CCDC51: variants seen among roughly 807,000 people sequenced by gnomAD.
The protein encoded by CCDC51 is mitochondrial potassium channel.
Under a neutral mutation model 24.8 loss-of-function variants are expected in CCDC51, and 25 were observed. That is an observed-to-expected ratio of 1.01 (90% CI 0.73 to 1.41). The LOEUF is 1.41. Among genes scored for constraint, CCDC51 ranks in the 40% most tolerant of loss-of-function variants. CCDC51 has a pLI of 0.00. For synonymous variants in CCDC51, 190 were observed against 204.3 expected (o/e 0.93, Z 0.60); for missense variants, 466 against 519.1 (o/e 0.90, Z 0.99).
chr3:48,439,145 T>A (rs1458936285), intron 1 of CCDC51, among the ~76,000 whole-genome samples: 1 of 152,228 alleles, frequency 6.6e-6, no homozygotes, highest in Non-Finnish European at 1.5e-5. Context: ...CCACTTTCTC[T>A]GCTTTATTTT....
At chr3:48,443,729 T>C, upstream of CCDC51, 1 of 643,764 alleles carries the variant, frequency 1.6e-6, no homozygotes, top group Non-Finnish European at 2.5e-6. Context: ...TATCCATGCT[T>C]GTGTTAAAGT....
chr3:48,432,309 T>G lies in CCDC51; in HGVS notation c.*99A>C. On this transcript the variant is annotated 3_prime_UTR_variant, in exon 4 of 4. Transcript: ENST00000395694. ...CAGATACTGCTCCTTCAGATTGAGGTTGTACATGCCCCCAAAGGCTCGCTT... is the reference window on the plus strand; with the variant it reads ...CAGATACTGCTCCTTCAGATTGAGGGTGTACATGCCCCCAAAGGCTCGCTT... 7.0e-7 allele frequency: 1 copy of G among 1,418,674 alleles called. No individual in the cohort carries two copies. Among genetic ancestry groups the G allele is most frequent in the Non-Finnish European group, 9.7e-7 (1 of 1,033,516 alleles). 87.9% of individuals were successfully genotyped at this position (1,418,674 alleles called of 1,614,324 possible).
intron 1 of CCDC51, among the ~76,000 whole-genome samples, chr3:48,436,671 C>T (rs570741438): frequency 1.6e-4 from 24 of 152,248 alleles, no homozygotes; most frequent in South Asian, 8.3e-4. Context: ...ACAAAGCATG[C>T]AGTGTCCGCC....
Position 48,433,296 on chromosome 3 carries a change from G to GAA in CCDC51, c.478-132_478-131dup. 1.1e-6 allele frequency: 1 copy of GAA among 906,064 alleles called. No homozygotes were observed. The highest frequency in any genetic ancestry group is 1.7e-5 in the South Asian group (1 of 59,740). 56.1% of individuals were successfully genotyped at this position (906,064 alleles called of 1,614,324 possible). On this transcript the variant is annotated intron_variant, in intron 3 of 3. Coordinates refer to ENST00000395694, the MANE Select transcript of CCDC51 (RefSeq NM_001256964.2). This position sits in a 1 kb window ranked among gnomAD's most constrained non-coding sequence, Gnocchi z 4.4. ...TTCCATAGACCCATGCTGAATGAAT[G>GAA]AAGGTAGCACCAACCTGGCTGGGTC...
rs1056204235 is a variant in CCDC51, at chr3:48,435,191, G to C, written c.-8-55C>G. 1.9e-5 allele frequency: 28 copies of C among 1,451,922 alleles called. No homozygotes were observed. The South Asian group carries it at 3.4e-4, about 17-fold the overall frequency. The allele number at this position is 1,451,922 out of a possible 1,614,324, so 89.9% of individuals were successfully genotyped here. ...CACAGCTGAGAAAGGCTGGACATAA[G>C]TCAGTTTTGAGGCCTAGGGACAGTT... is the stretch of plus-strand genomic sequence containing the variant. On this transcript the variant is annotated intron_variant, in intron 1 of 3. Transcript: ENST00000395694. The surrounding 1 kb of genome is among the most constrained non-coding windows in gnomAD (Gnocchi z 4.2).
intron 1 of CCDC51, among the ~76,000 whole-genome samples, chr3:48,436,830 G>C (rs951680683): frequency 1.3e-5 from 2 of 152,202 alleles, no homozygotes; most frequent in Admixed American, 1.3e-4. Context: ...TGGCAGAGAT[G>C]ACAGCTACTG....
rs1203120910 is a variant in CCDC51 at position 48,434,071 on chromosome 3, G to A, written c.313-200C>T. ...CTTGGGCCACACCCATCAGAATCACGAGATTTAGCCATTCAAGCAGAAATA... is the reference window on the plus strand; with the variant it reads ...CTTGGGCCACACCCATCAGAATCACAAGATTTAGCCATTCAAGCAGAAATA... On this transcript the variant is annotated intron_variant, in intron 2 of 3. Coordinates refer to ENST00000395694, the MANE Select transcript of CCDC51 (RefSeq NM_001256964.2). 7 of 1,210,086 alleles carry A rather than the reference G, an allele frequency of 5.8e-6. No homozygotes were observed. The South Asian group carries it at 5.8e-5, about 10-fold the overall frequency. The allele number at this position is 1,210,086 out of a possible 1,614,324, so 75.0% of individuals were successfully genotyped here.
upstream of CCDC51, among the ~76,000 whole-genome samples, chr3:48,441,344 A>G (rs1196506387): frequency 1.3e-5 from 2 of 151,000 alleles, no homozygotes; most frequent in South Asian, 2.1e-4. Context: ...GCACCTGGCC[A>G]GTTTTTTTTT....
At chr3:48,436,344 C>G (rs759471187) in intron 1 of CCDC51, among the ~76,000 whole-genome samples, 50 of 152,336 alleles carry the variant, frequency 3.3e-4, no homozygotes, top group Non-Finnish European at 6.2e-4. Flanking sequence ...AGCCTCCTCT[C>G]CATCATGCTG....
chr3:48,441,981 C>T (rs1482475872), upstream of CCDC51, among the ~76,000 whole-genome samples: 1 of 152,150 alleles, frequency 6.6e-6, no homozygotes. Flanking sequence ...TGACCATAAT[C>T]CAAGTGCTTT....
Position 48,440,097 on chromosome 3 carries a change from T to C in CCDC51, c.-118A>G, listed in dbSNP as rs1477848256. The C allele has an allele frequency of 1.2e-6, 1 of 837,814 alleles. No homozygotes were observed. The allele number at this position is 837,814 out of a possible 1,614,324, so 51.9% of individuals were successfully genotyped here. ...CAGGACAACCCTAGCTCCTCGTACC[T>C]GGCGTGGCCCGACCAATCGTCTGCC... On this transcript the variant is annotated 5_prime_UTR_variant, in exon 1 of 4. Coordinates refer to ENST00000395694, the MANE Select transcript of CCDC51 (RefSeq NM_001256964.2).
chr3:48,442,755 C>T (rs1331531684), upstream of CCDC51, among the ~76,000 whole-genome samples: 11 of 152,100 alleles, frequency 7.2e-5, no homozygotes, highest in Admixed American at 7.2e-4. Context: ...TGGCCCAATC[C>T]TATGCTGTTT....
In CCDC51 at chr3:48,432,523, GTGTCTGAC is replaced by G; in HGVS notation, c.1113_1120del (p.Ser372GlyfsTer15). ...GACTTGGGCTTCTAGTCTCTGCTCC[GTGTCTGAC>G]AGTGCCAAGATCATGCTCCCCTGCT... On this transcript the variant is annotated frameshift_variant, in exon 4 of 4. Transcript: ENST00000395694. LOFTEE classifies it high-confidence loss of function. 1 of 1,614,186 alleles carries G rather than the reference GTGTCTGAC, an allele frequency of 6.2e-7. No individual in the cohort carries two copies. The highest frequency in any genetic ancestry group is 8.5e-7 in the Non-Finnish European group (1 of 1,180,026).
chr3:48,443,001 A>T (rs2107170932), upstream of CCDC51, among the ~76,000 whole-genome samples: 1 of 151,676 alleles, frequency 6.6e-6, no homozygotes, highest in Admixed American at 6.6e-5. Context: ...GCACTTTGGG[A>T]GGCTGAGGTG....
the CCDC51 span, among the ~76,000 whole-genome samples, chr3:48,446,028 C>A: frequency 6.6e-6 from 1 of 152,164 alleles, no homozygotes; most frequent in Non-Finnish European, 1.5e-5. Context: ...CAGCCTCCTA[C>A]CCCTCTATCC....
upstream of CCDC51, among the ~76,000 whole-genome samples, chr3:48,442,674 T>G (rs2039597651): frequency 6.6e-6 from 1 of 151,852 alleles, no homozygotes. Context: ...ATGGTCTCGA[T>G]CTCCTGACCT....
At chr3:48,446,642 C>A in the CCDC51 span, 1 of 522,256 alleles carries the variant, frequency 1.9e-6, no homozygotes, top group Non-Finnish European at 2.9e-6. Context: ...CTCTAAACAC[C>A]GGGCGGGGCC....
rs1231677379 is a variant in CCDC51, at chr3:48,437,931, A to AC, written c.-9+2056dup. 10 of 149,948 alleles carry AC rather than the reference A, an allele frequency of 6.7e-5. No homozygotes were observed. Among genetic ancestry groups the AC allele is most frequent in the African/African-American group, 1.7e-4 (7 of 40,552 alleles). The allele number at this position is 149,948 out of a possible 1,614,324, so 9.3% of individuals were successfully genotyped here. On this transcript the variant is annotated intron_variant, in intron 1 of 3. Transcript: ENST00000395694. The surrounding 1 kb of genome is among the most constrained non-coding windows in gnomAD (Gnocchi z 4.2). ...GACATTACTCAGTAATTGATCTGAC[A>AC]CCCCCCCACCAGCAACTGCCCCATT...
Position 48,432,489 on chromosome 3 carries a change from G to A in CCDC51, c.1155C>T (p.Asn385=). ...AGGTGACCAGGGTGCTATAGATGGT[G>A]TTCCTGTTGACTTGGGCTTCTAGTC... The part of the protein sequence containing the change: ...EQRLEAQVNR[N]TIYSTLVTCV... The change falls in exon 4 of 4, where the codon AAC becomes AAT. Residue 385 remains asparagine, a synonymous_variant. Coordinates refer to ENST00000395694, the MANE Select transcript of CCDC51 (RefSeq NM_001256964.2). The A allele has an allele frequency of 6.2e-7, 1 of 1,614,238 alleles. No homozygotes were observed. The highest frequency in any genetic ancestry group is 8.5e-7 in the Non-Finnish European group (1 of 1,180,048).
Sources: allele counts gnomAD v4.1 joint callset (sites outside exome capture counted in the v4.1 genomes callset), GRCh38; gene constraint gnomAD v4.1.1; non-coding constraint Gnocchi (gnomAD v3.1); transcripts MANE v1.5; gene names NCBI Gene and HGNC (gene_info 2026-07-23, HGNC 2026-07-21).